Variants in ZNF148 observed in about 807,000 individuals in gnomAD.
ZNF148 encodes the protein zinc finger protein 148.
A neutral mutation model predicts 67.7 loss-of-function variants in ZNF148; 7 were observed. The observed-to-expected ratio is 0.10, with a 90% CI of 0.06 to 0.19. ZNF148 has a LOEUF of 0.19. Among genes scored for constraint, ZNF148 ranks in the 10% least tolerant of loss-of-function variants. ZNF148 has a pLI of 1.00. For synonymous variants in ZNF148, 333 were observed against 330.7 expected (o/e 1.01, Z -0.08); for missense variants, 583 against 947.1 (o/e 0.62, Z 5.05).
rs193228720 is a variant in ZNF148 at position 125,287,701 on chromosome 3, T to C, written c.459+402A>G. ...TGTCTCCTATTCCAGGCTCTTAGGA[T>C]ACAGCTGTGAACAAAATGAAGTCCC... On this transcript the variant is annotated intron_variant, in intron 5 of 8. Coordinates refer to ENST00000360647, the MANE Select transcript of ZNF148 (RefSeq NM_021964.3). Among the ~76,000 whole-genome samples the C allele has an allele frequency of 8.7e-4, 132 of 152,274 alleles. 1 individual carries two copies. The highest frequency in any genetic ancestry group is 3.1e-3 in the African/African-American group (129 of 41,556).
At chr3:125,282,075 A>G (rs1938420761) in intron 5 of ZNF148, among the ~76,000 whole-genome samples, 1 of 152,070 alleles carries the variant, frequency 6.6e-6, no homozygotes, top group African/African-American at 2.4e-5. Context: ...CTTGTTTTTT[A>G]AATTTGTTGC....
intron 7 of ZNF148, among the ~76,000 whole-genome samples, chr3:125,251,330 T>C (rs935586583): frequency 9.2e-5 from 14 of 152,328 alleles, no homozygotes; most frequent in African/African-American, 3.4e-4. Context: ...ATATAGAAAG[T>C]ACACAGAAGG....
intron 4 of ZNF148, among the ~76,000 whole-genome samples, chr3:125,308,596 T>C (rs560818247): frequency 5.4e-5 from 8 of 147,468 alleles, no homozygotes; most frequent in African/African-American, 1.7e-4. Flanking sequence ...GGACCTAACA[T>C]AGTCACTACA....
At chr3:125,312,411 G>A (rs545275826) in intron 4 of ZNF148, among the ~76,000 whole-genome samples, 5 of 152,182 alleles carry the variant, frequency 3.3e-5, no homozygotes, top group Non-Finnish European at 7.3e-5. Context: ...TTCACACCAT[G>A]TGCCAACACC....
chr3:125,232,628 T>C lies in ZNF148; in HGVS notation c.2098A>G (p.Thr700Ala). Residue 700 changes from threonine (T) to alanine (A), a missense_variant, in exon 9 of 9, where the codon ACA (threonine) becomes GCA (alanine). By Grantham distance (58) the Thr-to-Ala change is moderately conservative. Coordinates refer to ENST00000360647, the MANE Select transcript of ZNF148 (RefSeq NM_021964.3). This position sits in a 1 kb window ranked among gnomAD's most constrained non-coding sequence, Gnocchi z 4.2. ...TGATCCAGAAAGTCCTGTGTTGATGTGGCAGAAGCATGGTTTGTCTCATCA... is the reference window on the plus strand; with the variant it reads ...TGATCCAGAAAGTCCTGTGTTGATGCGGCAGAAGCATGGTTTGTCTCATCA... Reference protein sequence around the residue: ...SGDETNHASATSTQDFLDQVT... With the variant: ...SGDETNHASAASTQDFLDQVT... 1 of 1,613,844 alleles carries C rather than the reference T, an allele frequency of 6.2e-7. No homozygotes were observed. The highest frequency in any genetic ancestry group is 8.5e-7 in the Non-Finnish European group (1 of 1,179,792).
chr3:125,323,238 C>G (rs1303121724), intron 3 of ZNF148, 71 bp downstream of exon 3: 5 of 461,278 alleles, frequency 1.1e-5, no homozygotes, highest in South Asian at 4.6e-5. Context: ...ATTCTAGCAG[C>G]TGAACACAAT....
chr3:125,317,662 T>TATATATATATATATATATATATAG (rs752542874), intron 3 of ZNF148, among the ~76,000 whole-genome samples: 1 of 90,024 alleles, frequency 1.1e-5, no homozygotes, highest in African/African-American at 4.5e-5. Flanking sequence ...TATATATATA[T>TATATATATATATATATATATATAG]AGAGAGAGAG....
chr3:125,266,057 C>T (rs1937522571), intron 7 of ZNF148, among the ~76,000 whole-genome samples: 1 of 152,038 alleles, frequency 6.6e-6, no homozygotes, highest in South Asian at 2.1e-4. Flanking sequence ...AATTGGAGCA[C>T]CTAGATTCAT....
At position 125,329,028 on chromosome 3, in the gene ZNF148, T is replaced by C. The variant is rs979473965; in HGVS notation, c.-153+2130A>G. 6.0e-5 allele frequency among the ~76,000 whole-genome samples: 9 copies of C among 151,054 alleles called. No individual in the cohort carries two copies. The Middle Eastern group carries it at 0.01, about 174-fold the overall frequency. ...ATATATATATATATATATCTGTACA[T>C]GTATAGAAATTGTCTGGAAGGATAT... On this transcript the variant is annotated intron_variant, in intron 2 of 8. Transcript: ENST00000360647.
At chr3:125,251,462 A>C (rs1936839176) in intron 7 of ZNF148, among the ~76,000 whole-genome samples, 1 of 152,238 alleles carries the variant, frequency 6.6e-6, no homozygotes, top group Non-Finnish European at 1.5e-5. Context: ...TGTAATTAGT[A>C]GCTCAATAAA....
chr3:125,309,595 TA>T (rs57056007), intron 4 of ZNF148, among the ~76,000 whole-genome samples: 43,585 of 150,676 alleles, frequency 0.29, 6,574 homozygotes, highest in Middle Eastern at 0.42. Context: ...GAACTACAGT[TA>T]AAAAAAAAAG....
At chr3:125,255,164 A>G (rs1308358987) in intron 7 of ZNF148, among the ~76,000 whole-genome samples, 2 of 150,754 alleles carry the variant, frequency 1.3e-5, no homozygotes, top group Non-Finnish European at 2.9e-5. Flanking sequence ...CCACAATAAC[A>G]TTATCAATGT....
At chr3:125,310,736 G>A (rs1480841898) in intron 4 of ZNF148, 1 of 152,206 alleles carries the variant, frequency 6.6e-6, no homozygotes, top group Non-Finnish European at 1.5e-5. Flanking sequence ...GAAATGCAGA[G>A]TTGTTCGAAC....
intron 7 of ZNF148, among the ~76,000 whole-genome samples, chr3:125,244,845 CCTTT>C (rs543238799): frequency 1.8e-4 from 27 of 152,178 alleles, no homozygotes; most frequent in Non-Finnish European, 2.6e-4. Context: ...CAAAGTGATC[CCTTT>C]CTTTTTCTTG....
At chr3:125,250,619 G>A (rs895361777) in intron 7 of ZNF148, among the ~76,000 whole-genome samples, 1 of 152,198 alleles carries the variant, frequency 6.6e-6, no homozygotes, top group Non-Finnish European at 1.5e-5. Flanking sequence ...TATTTAGCAA[G>A]TATTAAGTTG....
chr3:125,365,008 A>G (rs1942658804), intron 1 of ZNF148, among the ~76,000 whole-genome samples: 1 of 152,012 alleles, frequency 6.6e-6, no homozygotes, highest in African/African-American at 2.4e-5. Context: ...CTTCTTGCCT[A>G]TTATCTTATT....
intron 3 of ZNF148, among the ~76,000 whole-genome samples, chr3:125,319,373 G>A (rs1157011615): frequency 2.0e-5 from 3 of 152,258 alleles, no homozygotes; most frequent in Admixed American, 2.0e-4. Context: ...AAAACTCGGG[G>A]AACTGTCTGG....
chr3:125,315,792 C>T (rs914179029), intron 3 of ZNF148, among the ~76,000 whole-genome samples: 10 of 151,620 alleles, frequency 6.6e-5, no homozygotes, highest in East Asian at 1.9e-4. Flanking sequence ...GATACAAGCA[C>T]GCAACGTGAA....
At chr3:125,334,792 A>G (rs1364267033) in intron 1 of ZNF148, among the ~76,000 whole-genome samples, 1 of 151,930 alleles carries the variant, frequency 6.6e-6, no homozygotes, top group Non-Finnish European at 1.5e-5. Context: ...CCCATCAACG[A>G]CCACCTCCAC....
Sources: allele counts gnomAD v4.1 joint callset (sites outside exome capture counted in the v4.1 genomes callset), GRCh38; gene constraint gnomAD v4.1.1; non-coding constraint Gnocchi (gnomAD v3.1); transcripts MANE v1.5; gene names NCBI Gene and HGNC (gene_info 2026-07-23, HGNC 2026-07-21).